PIP5KL1: variants seen among roughly 807,000 people sequenced by gnomAD.
The protein encoded by PIP5KL1 is phosphatidylinositol-4-phosphate 5-kinase like 1.
Under a neutral mutation model 47.6 loss-of-function variants are expected in PIP5KL1, and 45 were observed. The observed-to-expected ratio is 0.94, with a 90% CI of 0.74 to 1.21. PIP5KL1 has a LOEUF of 1.21. Among genes scored for constraint, PIP5KL1 ranks in the 50% most tolerant of loss-of-function variants. The probability of loss-of-function intolerance (pLI) is 0.00; values close to 1 mark genes in which losing one functional copy is unlikely to be tolerated. For synonymous variants in PIP5KL1, 256 were observed against 234.6 expected, an observed-to-expected ratio of 1.09 and a Z score of -0.84; for missense variants, 577 against 547.6, an observed-to-expected ratio of 1.05 and a Z score of -0.54.
intron 9 of PIP5KL1, among the ~76,000 whole-genome samples, chr9:127,924,834 C>T (rs1476703125): frequency 1.3e-5 from 2 of 152,082 alleles, no homozygotes; most frequent in Admixed American, 6.6e-5. Flanking sequence ...ACCTGTGCCC[C>T]TCCTGCCCTA....
intron 9 of PIP5KL1, among the ~76,000 whole-genome samples, chr9:127,922,394 C>T (rs1290522188): frequency 6.6e-6 from 1 of 151,978 alleles, no homozygotes; most frequent in East Asian, 1.9e-4. Flanking sequence ...ATTTCAAAGA[C>T]AGGATGAAAA....
chr9:127,926,111 CCTGT>C (rs1380557228), intron 7 of PIP5KL1, 132 bp from the exon 8 acceptor site: 5 of 498,148 alleles, frequency 1.0e-5, no homozygotes, highest in South Asian at 3.6e-5. Context: ...ACAACCCTGG[CCTGT>C]CTTTTTCTCT....
intron 2 of PIP5KL1, 124 bp from the exon 3 acceptor site, chr9:127,928,607 G>A (rs755317616): frequency 1.5e-4 from 162 of 1,074,974 alleles, no homozygotes; most frequent in Non-Finnish European, 1.9e-4. Flanking sequence ...TCAGCAAACC[G>A]GGACCGGAGT....
chr9:127,921,741 T>C lies in PIP5KL1; in HGVS notation c.*106A>G. On this transcript the variant is annotated 3_prime_UTR_variant, in exon 10 of 10. Transcript: ENST00000388747. ...GTATTAGTTAGGGGATGCTGCCCTC[T>C]GGCGACCATCAGGAGGAAGCGCAGG... 3 of 1,411,368 alleles carry C rather than the reference T, an allele frequency of 2.1e-6. No homozygotes were observed. The highest frequency in any genetic ancestry group is 2.8e-6 in the Non-Finnish European group (3 of 1,066,364). The allele number at this position is 1,411,368 out of a possible 1,614,324, so 87.4% of individuals were successfully genotyped here.
In PIP5KL1 at chr9:127,921,671, G is replaced by T; in HGVS notation, c.*176C>A. On this transcript the variant is annotated 3_prime_UTR_variant, in exon 10 of 10. Coordinates refer to ENST00000388747, the MANE Select transcript of PIP5KL1 (RefSeq NM_001135219.2). ...GCTAAAGTAGGGGAGTCCTTGGCAC[G>T]ATGCTGGGCACGGCACCACCGTCAA... 1.2e-6 allele frequency: 1 copy of T among 866,934 alleles called. No individual in the cohort carries two copies. Among genetic ancestry groups the T allele is most frequent in the Non-Finnish European group, 1.7e-6 (1 of 583,236 alleles). The allele number at this position is 866,934 out of a possible 1,614,324, so 53.7% of individuals were successfully genotyped here.
chr9:127,928,691 G>C (rs78342214), intron 2 of PIP5KL1: 16 of 601,194 alleles, frequency 2.7e-5, no homozygotes, highest in Non-Finnish European at 3.8e-5. Context: ...AGTGACCCAC[G>C]GCAAGGCCTG....
rs1831383570 is a variant in PIP5KL1, at chr9:127,927,686, A to G, written c.521T>C (p.Leu174Pro). 2 of 1,544,914 alleles carry G rather than the reference A, an allele frequency of 1.3e-6. No individual in the cohort carries two copies. Residue 174 changes from leucine (L) to proline (P), a missense_variant, in exon 5 of 10, where the codon CTG becomes CCG. Transcript: ENST00000388747. The surrounding 1 kb of genome is among the most constrained non-coding windows in gnomAD (Gnocchi z 5.5). ...LAHLPRYVQH[L>P]QRHPHSLLAR... ...CAGCAGCGAGTGCGGGTGCCGCTGC[A>G]GGTGCTGCACGTAGCGGGGCAGGTG...
rs1260592684 is a variant in PIP5KL1, at chr9:127,925,228, C to G, written c.796G>C (p.Glu266Gln). The G allele has an allele frequency of 1.2e-6, 2 of 1,613,774 alleles. No individual in the cohort carries two copies. The highest frequency in any genetic ancestry group is 1.1e-5 in the South Asian group (1 of 91,082). The stretch of plus-strand genomic sequence containing the variant: ...TCCCGGAGGAAGGTGGTATCCAGTT[C>G]CATCTGGCGGAGGAACCAGCTCCGC... The part of the protein sequence containing the change: ...PQRSWFLRQM[E>Q]LDTTFLRELN... The change falls in exon 9 of 10, where the codon GAA (glutamate) becomes CAA (glutamine). Residue 266 changes from glutamate to glutamine, a missense_variant. Glu to Gln is a conservative substitution (Grantham distance 29, BLOSUM62 2). Transcript: ENST00000388747.
intron 9 of PIP5KL1, among the ~76,000 whole-genome samples, 158 bp downstream of exon 9, chr9:127,924,949 C>T (rs999260987): frequency 6.6e-6 from 1 of 151,972 alleles, no homozygotes; most frequent in Non-Finnish European, 1.5e-5. Flanking sequence ...CACACATATG[C>T]ACACACGCGC....
rs142634329 is a variant in PIP5KL1, at chr9:127,929,267, G to A, written c.228+421C>T. On this transcript the variant is annotated intron_variant, in intron 2 of 9. Coordinates refer to ENST00000388747, the MANE Select transcript of PIP5KL1 (RefSeq NM_001135219.2). The surrounding 1 kb of genome is among the most constrained non-coding windows in gnomAD (Gnocchi z 4.0). ...CCAGGCCCGCCCAGCTGCTGAGCTTGCAGTTGGGCCACCTTTCTGCTGAGC... is the reference window on the plus strand; with the variant it reads ...CCAGGCCCGCCCAGCTGCTGAGCTTACAGTTGGGCCACCTTTCTGCTGAGC... Among the ~76,000 whole-genome samples, 1 of 152,228 alleles carries A rather than the reference G, an allele frequency of 6.6e-6. No individual in the cohort carries two copies. Among genetic ancestry groups the A allele is most frequent in the Admixed American group, 6.5e-5 (1 of 15,294 alleles).
rs1374272622 is a variant in PIP5KL1, at chr9:127,927,257, C to T, written c.594+40G>A. 6.8e-6 allele frequency: 11 copies of T among 1,611,094 alleles called. No individual in the cohort carries two copies. The highest frequency in any genetic ancestry group is 1.3e-5 in the African/African-American group (1 of 74,886). The stretch of plus-strand genomic sequence containing the variant: ...GGGAGGCCGGCTGTCGCCCTCCAGC[C>T]GCCCGCTCCGCCCAGCCACCTCGCC... On this transcript the variant is annotated intron_variant, in intron 6 of 9. Coordinates refer to ENST00000388747, the MANE Select transcript of PIP5KL1 (RefSeq NM_001135219.2). This position sits in a 1 kb window ranked among gnomAD's most constrained non-coding sequence, Gnocchi z 5.5.
chr9:127,925,575 C>T (rs1831350600), intron 8 of PIP5KL1: 2 of 480,150 alleles, frequency 4.2e-6, no homozygotes, highest in South Asian at 4.2e-5. Flanking sequence ...AAGCGATTCT[C>T]CTGCCTCAGC....
chr9:127,929,772 CG>C lies in PIP5KL1; in HGVS notation c.143del (p.Pro48ArgfsTer8). 1 of 1,568,578 alleles carries C rather than the reference CG, an allele frequency of 6.4e-7. No homozygotes were observed. The highest frequency in any genetic ancestry group is 8.6e-7 in the Non-Finnish European group (1 of 1,156,824). ...QSRLGLFEIS[P>X]GHELHGMTCM... ...ACGTCATCCCATGCAGTTCATGCCCCGGGCTGATCTCAAACAGGCCCAGGCG... is the reference window on the plus strand; with the variant it reads ...ACGTCATCCCATGCAGTTCATGCCCCGGCTGATCTCAAACAGGCCCAGGCG... On this transcript the variant is annotated frameshift_variant, in exon 2 of 10. Coordinates refer to ENST00000388747, the MANE Select transcript of PIP5KL1 (RefSeq NM_001135219.2). LOFTEE classifies it high-confidence loss of function. The surrounding 1 kb of genome is among the most constrained non-coding windows in gnomAD (Gnocchi z 4.0).
chr9:127,926,217 C>G (rs1194286917), intron 7 of PIP5KL1, among the ~76,000 whole-genome samples: 1 of 145,504 alleles, frequency 6.9e-6, no homozygotes, highest in African/African-American at 2.5e-5. Context: ...TCCTCCCCTT[C>G]TTTCTTCCCT....
chr9:127,929,856 G>T lies in PIP5KL1; in HGVS notation c.60C>A (p.Cys20Ter), dbSNP rs1309174760. 2 of 1,542,050 alleles carry T rather than the reference G, an allele frequency of 1.3e-6. No homozygotes were observed. Reference sequence around the variant, plus strand: ...CCCGCCGGCTGGAGGTGACTGCTCTGCATCCAGCCTCAGGGGAGGGGGCCA... The same window carrying T: ...CCCGCCGGCTGGAGGTGACTGCTCTTCATCCAGCCTCAGGGGAGGGGGCCA... ...EVLAPSPEAG[C>*]RAVTSSRRGL... Residue 20 changes from cysteine (C) to a stop codon, truncating the protein, a stop_gained, in exon 2 of 10, where the codon TGC becomes TGA. Coordinates refer to ENST00000388747, the MANE Select transcript of PIP5KL1 (RefSeq NM_001135219.2). LOFTEE classifies it high-confidence loss of function. This position sits in a 1 kb window ranked among gnomAD's most constrained non-coding sequence, Gnocchi z 4.0.
Position 127,927,019 on chromosome 9 carries a change from T to G in PIP5KL1, c.650+134A>C. ...GATGCTGGGTGTGGGCGTCACTGTC[T>G]CTGACCCACCAGATCTTGGGAACGC... is the stretch of plus-strand genomic sequence containing the variant. On this transcript the variant is annotated intron_variant, in intron 7 of 9. Coordinates refer to ENST00000388747, the MANE Select transcript of PIP5KL1 (RefSeq NM_001135219.2). The surrounding 1 kb of genome is among the most constrained non-coding windows in gnomAD (Gnocchi z 5.5). The G allele has an allele frequency of 2.7e-6, 3 of 1,095,886 alleles. No individual in the cohort carries two copies. Among genetic ancestry groups the G allele is most frequent in the Non-Finnish European group, 3.9e-6 (3 of 775,150 alleles). The allele number at this position is 1,095,886 out of a possible 1,614,324, so 67.9% of individuals were successfully genotyped here. A position where few individuals can be genotyped will look rare whatever the true frequency, so the allele number is the denominator to read the frequency against.
rs1009358009 is a variant in PIP5KL1, at chr9:127,927,993, G to A, written c.434+72C>T. The stretch of plus-strand genomic sequence containing the variant: ...TTTCTCTCTTCAGGGGGCCTTCCCC[G>A]CCACTGGGAATTCTGCCCTCCCAGC... On this transcript the variant is annotated intron_variant, in intron 4 of 9. Transcript: ENST00000388747. This position sits in a 1 kb window ranked among gnomAD's most constrained non-coding sequence, Gnocchi z 5.5. 1.4e-6 allele frequency: 2 copies of A among 1,460,978 alleles called. No individual in the cohort carries two copies. The highest frequency in any genetic ancestry group is 1.8e-6 in the Non-Finnish European group (2 of 1,101,060). 90.5% of individuals were successfully genotyped at this position (1,460,978 alleles called of 1,614,324 possible).
chr9:127,924,569 T>C (rs1588683420), intron 9 of PIP5KL1, among the ~76,000 whole-genome samples: 1 of 146,100 alleles, frequency 6.8e-6, no homozygotes, highest in African/African-American at 2.6e-5. Context: ...GGCAGGAGAA[T>C]CGCTTGAATC....
At chr9:127,925,654 CAG>C (rs1318677551) in intron 8 of PIP5KL1, 21 of 557,544 alleles carry the variant, frequency 3.8e-5, no homozygotes, top group Admixed American at 3.1e-4. Context: ...TTCGTAGAGA[CAG>C]AGTTTCAGCA....
Sources: gnomAD v4.1 joint callset for allele counts (sites outside exome capture counted in the v4.1 genomes callset) on GRCh38, gnomAD v4.1.1 for gene constraint, Gnocchi (gnomAD v3.1) non-coding constraint, MANE v1.5 for transcripts, NCBI Gene and HGNC (gene_info 2026-07-23, HGNC 2026-07-21) for gene names.